Variants in NCOA3 observed in about 807,000 individuals in gnomAD.
NCOA3 encodes nuclear receptor coactivator 3.
NCOA3 carries 51 observed loss-of-function variants against 158.8 expected under a neutral mutation model. That is an observed-to-expected ratio of 0.32 (90% CI 0.26 to 0.41). The LOEUF (loss-of-function observed/expected upper bound fraction) is 0.41, where lower values mean the gene tolerates loss of function less well. Ranked by LOEUF, NCOA3 falls within the 10% of genes least tolerant of loss-of-function variation. The probability of loss-of-function intolerance (pLI) is 1.00; values close to 1 mark genes in which losing one functional copy is unlikely to be tolerated. For missense variants in NCOA3, 1,510 were observed against 1,746.6 expected (o/e 0.86, Z 2.41); for synonymous variants, 537 against 592.4 (o/e 0.91, Z 1.36).
Position 47,521,347 on chromosome 20 carries a change from C to CTT in NCOA3, c.-99+19338_-99+19339dup, listed in dbSNP as rs57595765. Among the ~76,000 whole-genome samples the CTT allele has an allele frequency of 5.4e-5, 8 of 148,410 alleles. 1 individual carries two copies. Among genetic ancestry groups the CTT allele is most frequent in the South Asian group, 4.3e-4 (2 of 4,678 alleles). Reference sequence around the variant, plus strand: ...AAATAGCACTCGAATATAAGATTTTCTTTTTTTTTTTCTCAGCAAGGCAAT... The same window carrying CTT: ...AAATAGCACTCGAATATAAGATTTTCTTTTTTTTTTTTTCTCAGCAAGGCAAT... On this transcript the variant is annotated intron_variant, in intron 1 of 22. Coordinates refer to ENST00000371998, the MANE Select transcript of NCOA3 (RefSeq NM_181659.3).
chr20:47,571,358 C>T (rs190726791), intron 1 of NCOA3, among the ~76,000 whole-genome samples: 119 of 149,140 alleles, frequency 8.0e-4, no homozygotes, highest in African/African-American at 2.9e-3. Context: ...CGCTCTGTTG[C>T]CCAGGCTGGA....
intron 1 of NCOA3, among the ~76,000 whole-genome samples, chr20:47,572,924 T>C (rs1228843441): frequency 2.0e-5 from 3 of 152,196 alleles, no homozygotes; most frequent in Non-Finnish European, 4.4e-5. Flanking sequence ...GGGTTATTAT[T>C]TGGACTTATT....
At chr20:47,541,573 CCTTT>C in intron 1 of NCOA3, among the ~76,000 whole-genome samples, 1 of 148,762 alleles carries the variant, frequency 6.7e-6, no homozygotes, top group South Asian at 2.2e-4. Context: ...AGAGATGGGG[CCTTT>C]CTATGTTGTT....
Position 47,655,107 on chromosome 20 carries a change from T to TAG in NCOA3, c.*1690_*1691insAG, listed in dbSNP as rs1382591343. 1.3e-5 allele frequency: 2 copies of TAG among 152,188 alleles called. No homozygotes were observed. The highest frequency in any genetic ancestry group is 6.5e-5 in the Admixed American group (1 of 15,272). 9.4% of individuals were successfully genotyped at this position (152,188 alleles called of 1,614,324 possible). On this transcript the variant is annotated 3_prime_UTR_variant, in exon 23 of 23. Transcript: ENST00000371998. ...TAACTCAGTACCCAGAACAGCCAGT[T>TAG]TTACTGTGATTCAGAGCCACAGTCT... is the stretch of plus-strand genomic sequence containing the variant.
chr20:47,561,263 C>T (rs910660856), intron 1 of NCOA3, among the ~76,000 whole-genome samples: 1 of 146,772 alleles, frequency 6.8e-6, no homozygotes, highest in South Asian at 2.1e-4. Flanking sequence ...GCATGAGCTA[C>T]TGGGACTGGC....
rs545375540 is a variant in NCOA3 at position 47,653,368 on chromosome 20, ATTTTTTTTTTTT to A, written c.4264-27_4264-16del. On this transcript the variant is annotated intron_variant, in intron 22 of 22. Transcript: ENST00000371998. Reference sequence around the variant, plus strand: ...GTTGTGCAAAGCATGTGTTTTACTCATTTTTTTTTTTTTTTTTTTTTTCCTGGTTGCTGACAG... The same window carrying A: ...GTTGTGCAAAGCATGTGTTTTACTCATTTTTTTTTTCCTGGTTGCTGACAG... The A allele has an allele frequency of 5.0e-6, 7 of 1,390,054 alleles. No individual in the cohort carries two copies. The African/African-American group carries it at 1.2e-4, about 23-fold the overall frequency. 86.1% of individuals were successfully genotyped at this position (1,390,054 alleles called of 1,614,324 possible). A position where few individuals can be genotyped will look rare whatever the true frequency, so the allele number is the denominator to read the frequency against.
Position 47,652,483 on chromosome 20 carries a change from C to G in NCOA3, c.4024C>G (p.Pro1342Ala). 6.2e-7 allele frequency: 1 copy of G among 1,613,976 alleles called. No homozygotes were observed. The highest frequency in any genetic ancestry group is 8.5e-7 in the Non-Finnish European group (1 of 1,179,880). The change falls in exon 21 of 23, where the codon CCC becomes GCC. Residue 1342 changes from proline (P) to alanine (A), a missense_variant. Pro to Ala is a conservative substitution (Grantham distance 27). This residue lies in a region of NCOA3 where 180 missense variants were observed against 199.3 expected (regional missense o/e 0.90). Transcript: ENST00000371998. ...TGCAATGATGTCGTCAAGAATGGGT[C>G]CCTCCCAGAATCCCATGATGCAACA... is the stretch of plus-strand genomic sequence containing the variant. ...PNAMMSSRMG[P>A]SQNPMMQHPQ...
intron 2 of NCOA3, among the ~76,000 whole-genome samples, chr20:47,599,131 T>C (rs1300570471): frequency 6.6e-6 from 1 of 152,164 alleles, no homozygotes; most frequent in Non-Finnish European, 1.5e-5. Flanking sequence ...AATGATGAAA[T>C]GGAATGAAGG....
chr20:47,567,850 T>G (rs1260722556), intron 1 of NCOA3, among the ~76,000 whole-genome samples: 1 of 152,090 alleles, frequency 6.6e-6, no homozygotes, highest in Non-Finnish European at 1.5e-5. Flanking sequence ...GGATTACAGG[T>G]GTGAGCCACC....
At chr20:47,567,429 T>C (rs2085215141) in intron 1 of NCOA3, among the ~76,000 whole-genome samples, 2 of 151,902 alleles carry the variant, frequency 1.3e-5, no homozygotes, top group African/African-American at 4.8e-5. Context: ...TAGGATGTTA[T>C]ACTATTGGCC....
chr20:47,589,633 C>G (rs772514953), intron 2 of NCOA3, among the ~76,000 whole-genome samples: 6 of 152,104 alleles, frequency 3.9e-5, no homozygotes, highest in Admixed American at 6.6e-5. Context: ...CCTTGACCTC[C>G]CAAAGTTCTG....
intron 1 of NCOA3, among the ~76,000 whole-genome samples, chr20:47,575,341 T>A (rs2085355691): frequency 6.6e-6 from 1 of 152,208 alleles, no homozygotes; most frequent in Non-Finnish European, 1.5e-5. Context: ...TGTAAAGCTT[T>A]TGCAAACCAT....
At chr20:47,548,862 A>C (rs1385770536) in intron 1 of NCOA3, among the ~76,000 whole-genome samples, 2 of 152,182 alleles carry the variant, frequency 1.3e-5, no homozygotes, top group Admixed American at 1.3e-4. Flanking sequence ...TGAGGTCTTC[A>C]TTTGGTGAAT....
chr20:47,647,452 C>T, intron 18 of NCOA3, 86 bp downstream of exon 18: 1 of 1,241,316 alleles, frequency 8.1e-7, no homozygotes. Flanking sequence ...CTGGTGCAAT[C>T]TATCCCTGTC....
At position 47,534,089 on chromosome 20, in the gene NCOA3, A is replaced by T. The variant is rs6125040; in HGVS notation, c.-99+32070A>T. ...TTCTTTTGAAGGTAGAGCCAACAGG[A>T]TTTTGTGATGGTTTCAGTGGGGGGG... On this transcript the variant is annotated intron_variant, in intron 1 of 22. Coordinates refer to ENST00000371998, the MANE Select transcript of NCOA3 (RefSeq NM_181659.3). 6.1e-4 allele frequency among the ~76,000 whole-genome samples: 66 copies of T among 107,842 alleles called. 1 individual carries two copies. The East Asian group carries it at 0.02, about 32-fold the overall frequency. The allele number at this position is 107,842 out of a possible 152,430, so 70.7% of individuals were successfully genotyped here. A position where few individuals can be genotyped will look rare whatever the true frequency, so the allele number is the denominator to read the frequency against.
At chr20:47,650,830 T>C in intron 19 of NCOA3, 152 bp from the exon 20 acceptor site, 1 of 745,944 alleles carries the variant, frequency 1.3e-6, no homozygotes, top group African/African-American at 1.7e-5. Flanking sequence ...GCCACTGCGC[T>C]CCAGCCTGGG....
intron 1 of NCOA3, among the ~76,000 whole-genome samples, chr20:47,540,878 T>C (rs1319584923): frequency 6.6e-6 from 1 of 152,210 alleles, no homozygotes; most frequent in Non-Finnish European, 1.5e-5. Flanking sequence ...TAGGGAAGGA[T>C]GTAAATGAAT....
At position 47,622,549 on chromosome 20, in the gene NCOA3, G is replaced by A. The variant is rs555243593; in HGVS notation, c.83+219G>A. 3.9e-5 allele frequency among the ~76,000 whole-genome samples: 6 copies of A among 152,126 alleles called. No homozygotes were observed. The South Asian group carries it at 1.2e-3, about 32-fold the overall frequency. On this transcript the variant is annotated intron_variant, in intron 3 of 22. Coordinates refer to ENST00000371998, the MANE Select transcript of NCOA3 (RefSeq NM_181659.3). ...AGAAGGTAGAATATTAACAATTCGC[G>A]GTACTATAAGAATTTCTGAATGGAA... is the stretch of plus-strand genomic sequence containing the variant.
intron 2 of NCOA3, among the ~76,000 whole-genome samples, chr20:47,586,234 A>G (rs2085533899): frequency 6.6e-6 from 1 of 151,992 alleles, no homozygotes; most frequent in Non-Finnish European, 1.5e-5. Flanking sequence ...TTTCTTTTTT[A>G]AATACCTTTT....
Sources: gnomAD v4.1 joint callset for allele counts (sites outside exome capture counted in the v4.1 genomes callset) on GRCh38, gnomAD v4.1.1 for gene constraint, gnomAD v4.1.1 regional missense constraint, MANE v1.5 for transcripts, NCBI Gene and HGNC (gene_info 2026-07-23, HGNC 2026-07-21) for gene names.